DCC: variants seen among roughly 807,000 people sequenced by gnomAD.
DCC encodes DCC netrin 1 receptor.
DCC carries 58 observed loss-of-function variants against 172.5 expected under a neutral mutation model. That is an observed-to-expected ratio of 0.34 (90% CI 0.27 to 0.42). The LOEUF (loss-of-function observed/expected upper bound fraction) is 0.42. DCC is among the 10% of genes least tolerant of loss of function. DCC has a pLI of 1.00. For missense variants in DCC, 1,740 were observed against 1,791.0 expected (o/e 0.97, Z 0.51); for synonymous variants, 709 against 644.5 (o/e 1.10, Z -1.52).
chr18:52,465,895 C>A (rs190429431), intron 1 of DCC, among the ~76,000 whole-genome samples: 1 of 152,148 alleles, frequency 6.6e-6, no homozygotes, highest in African/African-American at 2.4e-5. Context: ...AAAGTTATTT[C>A]TTCTAATTCT....
intron 17 of DCC, among the ~76,000 whole-genome samples, chr18:53,393,226 C>T (rs538191627): frequency 6.6e-6 from 1 of 152,280 alleles, no homozygotes; most frequent in East Asian, 1.9e-4. Context: ...CTTCTCTCTC[C>T]CCATAGCCAT....
At chr18:53,231,846 T>G (rs2056125576) in intron 12 of DCC, among the ~76,000 whole-genome samples, 1 of 152,124 alleles carries the variant, frequency 6.6e-6, no homozygotes, top group African/African-American at 2.4e-5. Context: ...AAAATGTATC[T>G]TTAGACTGTA....
chr18:53,438,866 T>C (rs187494717), intron 22 of DCC, among the ~76,000 whole-genome samples: 220 of 152,340 alleles, frequency 1.4e-3, no homozygotes, highest in African/African-American at 4.9e-3. Context: ...TGGTACACAT[T>C]ATCTCACAGG....
chr18:53,066,353 G>GTATGTGTA (rs1202896480), intron 7 of DCC, among the ~76,000 whole-genome samples, 187 bp downstream of exon 7: 1 of 94,608 alleles, frequency 1.1e-5, no homozygotes, highest in Non-Finnish European at 2.2e-5. Flanking sequence ...GTACATGTGT[G>GTATGTGTA]TATATATATA....
intron 1 of DCC, among the ~76,000 whole-genome samples, chr18:52,532,984 A>T (rs1304235032): frequency 1.3e-5 from 2 of 152,092 alleles, no homozygotes; most frequent in Non-Finnish European, 2.9e-5. Flanking sequence ...TCTTCTACTA[A>T]TCTACTCTGT....
intron 15 of DCC, among the ~76,000 whole-genome samples, chr18:53,348,970 T>C (rs1384967811): frequency 1.3e-5 from 2 of 149,616 alleles, no homozygotes; most frequent in African/African-American, 4.8e-5. Flanking sequence ...TGATTAATAT[T>C]TGGCTCCTTG....
chr18:53,469,144 T>A (rs2045664453), intron 25 of DCC, among the ~76,000 whole-genome samples: 1 of 152,190 alleles, frequency 6.6e-6, no homozygotes, highest in Admixed American at 6.5e-5. Flanking sequence ...CCCCTTCGTG[T>A]CCTCATTTAT....
At chr18:53,373,409 A>T (rs1425354350) in intron 15 of DCC, among the ~76,000 whole-genome samples, 1 of 152,162 alleles carries the variant, frequency 6.6e-6, no homozygotes, top group Non-Finnish European at 1.5e-5. Context: ...GAAATAATCC[A>T]AGTGAGCAAC....
At chr18:53,024,067 TAGAC>T (rs1209110128) in intron 5 of DCC, among the ~76,000 whole-genome samples, 2 of 152,110 alleles carry the variant, frequency 1.3e-5, no homozygotes, top group Non-Finnish European at 2.9e-5. Flanking sequence ...GTGGAGAAGA[TAGAC>T]AGTGGGTAAA....
intron 12 of DCC, among the ~76,000 whole-genome samples, chr18:53,257,948 A>G (rs1230204447): frequency 6.6e-6 from 1 of 152,076 alleles, no homozygotes; most frequent in African/African-American, 2.4e-5. Context: ...GGGAGGGCGT[A>G]TGTGTGGAGG....
intron 5 of DCC, among the ~76,000 whole-genome samples, chr18:53,010,655 A>G (rs1568242747): frequency 1.3e-5 from 2 of 150,792 alleles, no homozygotes; most frequent in Non-Finnish European, 1.5e-5. Flanking sequence ...ATTAAGTAAG[A>G]CACATTATAT....
chr18:53,368,964 T>C (rs2058032709), intron 15 of DCC, among the ~76,000 whole-genome samples: 1 of 151,960 alleles, frequency 6.6e-6, no homozygotes, highest in Non-Finnish European at 1.5e-5. Context: ...AGTTTTCTGT[T>C]CTAAAAAAAA....
At position 52,913,740 on chromosome 18, in the gene DCC, T is replaced by C. The variant is rs141099209; in HGVS notation, c.697+7412T>C. 1.2e-3 allele frequency among the ~76,000 whole-genome samples: 185 copies of C among 152,148 alleles called. 1 individual carries two copies. The highest frequency in any genetic ancestry group is 4.2e-3 in the African/African-American group (175 of 41,538). ...TTTCTGCATTTACTTATGAATGTGA[T>C]ATTTAACAGCCCTAGGTGGGTCATC... On this transcript the variant is annotated intron_variant, in intron 3 of 28. Coordinates refer to ENST00000442544, the MANE Select transcript of DCC (RefSeq NM_005215.4).
chr18:52,772,350 C>A (rs1384174498), intron 2 of DCC, among the ~76,000 whole-genome samples: 3 of 152,178 alleles, frequency 2.0e-5, no homozygotes, highest in Non-Finnish European at 4.4e-5. Flanking sequence ...GGGGCACCAG[C>A]AATTTATTTT....
chr18:53,520,664 C>T (rs1301555429), intron 27 of DCC, among the ~76,000 whole-genome samples: 1 of 152,006 alleles, frequency 6.6e-6, no homozygotes, highest in African/African-American at 2.4e-5. Context: ...ACTGAATCTA[C>T]ACACAAAAAA....
At chr18:53,314,344 A>G (rs554650254) in intron 13 of DCC, among the ~76,000 whole-genome samples, 1 of 152,372 alleles carries the variant, frequency 6.6e-6, no homozygotes, top group Non-Finnish European at 1.5e-5. Context: ...TACCGAATTT[A>G]GAATCCAAAG....
At chr18:52,883,388 GTGTGAGA>G (rs1372562712) in intron 2 of DCC, among the ~76,000 whole-genome samples, 8 of 82,918 alleles carry the variant, frequency 9.6e-5, no homozygotes, top group African/African-American at 3.0e-4. Context: ...GTGTGTGTGT[GTGTGAGA>G]TCTCTTTCTG....
At chr18:53,158,413 A>G (rs938008747) in intron 8 of DCC, among the ~76,000 whole-genome samples, 1 of 152,220 alleles carries the variant, frequency 6.6e-6, no homozygotes, top group Non-Finnish European at 1.5e-5. Context: ...ATGCTGGATA[A>G]GTTCCACTTC....
intron 2 of DCC, among the ~76,000 whole-genome samples, chr18:52,813,648 T>C (rs573377639): frequency 3.8e-3 from 579 of 152,302 alleles, no homozygotes; most frequent in Non-Finnish European, 6.6e-3. Flanking sequence ...TCATTCTTGG[T>C]ATATCTGTGA....
Sources: allele counts gnomAD v4.1 joint callset (sites outside exome capture counted in the v4.1 genomes callset), GRCh38; gene constraint gnomAD v4.1.1; transcripts MANE v1.5; gene names NCBI Gene and HGNC (gene_info 2026-07-23, HGNC 2026-07-21).